Variants in GCNT2 observed in about 807,000 individuals in gnomAD.
GCNT2 encodes N-acetyllactosaminide beta-1,6-N-acetylglucosaminyl-transferase.
Under a neutral mutation model 34.2 loss-of-function variants are expected in GCNT2, and 34 were observed. The observed-to-expected ratio is 1.00, with a 90% CI of 0.76 to 1.32. GCNT2 has a LOEUF of 1.32. Among genes scored for constraint, GCNT2 ranks in the 40% most tolerant of loss-of-function variants. The pLI is 0.00. For synonymous variants in GCNT2, 212 were observed against 188.0 expected (o/e 1.13, Z -1.04); for missense variants, 584 against 489.4 (o/e 1.19, Z -1.82).
At chr6:10,609,932 C>T (rs553860785) in intron 3 of GCNT2, among the ~76,000 whole-genome samples, 2 of 152,264 alleles carry the variant, frequency 1.3e-5, no homozygotes, top group African/African-American at 4.8e-5. Context: ...GCATCTCAAG[C>T]TGGCTTGAAA....
intron 3 of GCNT2, among the ~76,000 whole-genome samples, chr6:10,542,731 G>A (rs1286135920): frequency 3.3e-5 from 5 of 152,072 alleles, no homozygotes; most frequent in South Asian, 4.1e-4. Context: ...GATACACCAC[G>A]TTTATTTTTT....
intron 3 of GCNT2, chr6:10,573,237 C>G: frequency 1.0e-6 from 1 of 984,242 alleles, no homozygotes; most frequent in Non-Finnish European, 1.2e-6. Flanking sequence ...TCCTCGGATG[C>G]GACATTCGGA....
intron 3 of GCNT2, among the ~76,000 whole-genome samples, chr6:10,541,716 C>T (rs1407581784): frequency 1.3e-5 from 2 of 152,152 alleles, no homozygotes; most frequent in Non-Finnish European, 2.9e-5. Context: ...TCAAGGGACT[C>T]TGAATTCAAT....
rs558346342 is a variant in GCNT2, at chr6:10,558,608, G to A, written c.925+28772G>A. On this transcript the variant is annotated intron_variant, in intron 3 of 4. Coordinates refer to ENST00000495262, the MANE Select transcript of GCNT2 (RefSeq NM_145649.5). ...AATGAAAAATACAAAATGGATCTCTGATGAACTAGACAGCATTATTATAGC... is the reference window on the plus strand; with the variant it reads ...AATGAAAAATACAAAATGGATCTCTAATGAACTAGACAGCATTATTATAGC... 2.6e-4 allele frequency among the ~76,000 whole-genome samples: 40 copies of A among 152,312 alleles called. 1 individual carries two copies. Among genetic ancestry groups the A allele is most frequent in the South Asian group, 1.2e-3 (6 of 4,828 alleles).
intron 3 of GCNT2, among the ~76,000 whole-genome samples, chr6:10,563,553 C>T (rs550166900): frequency 1.3e-5 from 2 of 151,666 alleles, no homozygotes; most frequent in Admixed American, 6.6e-5. Flanking sequence ...ACCACCCTGG[C>T]CAACATGGTG....
At chr6:10,603,487 A>G (rs910965660) in intron 3 of GCNT2, among the ~76,000 whole-genome samples, 1 of 152,222 alleles carries the variant, frequency 6.6e-6, no homozygotes, top group Non-Finnish European at 1.5e-5. Context: ...GTCCAGATGC[A>G]GACAGGGGAG....
At chr6:10,614,522 A>G (rs565082468) in intron 3 of GCNT2, among the ~76,000 whole-genome samples, 28 of 151,652 alleles carry the variant, frequency 1.8e-4, no homozygotes, top group Non-Finnish European at 3.4e-4. Context: ...GCTACTTGGA[A>G]GGCTGAAGCA....
chr6:10,558,318 C>CAT lies in GCNT2; in HGVS notation c.925+28483_925+28484dup, dbSNP rs1452830471. On this transcript the variant is annotated intron_variant, in intron 3 of 4. Transcript: ENST00000495262. The stretch of plus-strand genomic sequence containing the variant: ...GTGAGTGAGTGAATGAATGGTAAAG[C>CAT]ATGAAGCTTTACTATGGCACCAGAG... Among the ~76,000 whole-genome samples the CAT allele has an allele frequency of 3.3e-5, 5 of 152,228 alleles. No individual in the cohort carries two copies. In the East Asian group the frequency reaches 9.6e-4, roughly 29 times the overall value.
Position 10,615,347 on chromosome 6 carries a change from CTG to C in GCNT2, c.926-6000_926-5999del, listed in dbSNP as rs558503559. On this transcript the variant is annotated intron_variant, in intron 3 of 4. Transcript: ENST00000495262. ...ATTTCTTTTTTGAGACAGGATCTCA[CTG>C]TGTTACCCAGGCTAAAGTGCAGTGG... Among the ~76,000 whole-genome samples the C allele has an allele frequency of 1.7e-3, 261 of 152,272 alleles. 5 individuals carry two copies. The highest frequency in any genetic ancestry group is 2.1e-4 in the Non-Finnish European group (14 of 68,016).
Position 10,586,735 on chromosome 6 carries a change from T to C in GCNT2, c.926-34616T>C, listed in dbSNP as rs567822136. The C allele has an allele frequency of 7.4e-6, 12 of 1,614,114 alleles. No homozygotes were observed. The African/African-American group carries it at 1.2e-4, about 16-fold the overall frequency. ...GGCTTTTTTGTGAAAAATACTAATATTTTGAAAACTTCACCTCCACATCAG... is the reference window on the plus strand; with the variant it reads ...GGCTTTTTTGTGAAAAATACTAATACTTTGAAAACTTCACCTCCACATCAG... On this transcript the variant is annotated intron_variant, in intron 3 of 4. Transcript: ENST00000495262.
At chr6:10,547,493 A>G (rs1406776582) in intron 3 of GCNT2, among the ~76,000 whole-genome samples, 2 of 152,182 alleles carry the variant, frequency 1.3e-5, no homozygotes, top group Non-Finnish European at 2.9e-5. Flanking sequence ...ATGATTTCTC[A>G]TGATTAAATT....
chr6:10,530,062 C>A, intron 3 of GCNT2: 1 of 511,756 alleles, frequency 2.0e-6, no homozygotes, highest in South Asian at 2.3e-5. Flanking sequence ...GGAACACTGG[C>A]CATATAAATA....
Position 10,590,062 on chromosome 6 carries a change from C to T in GCNT2, c.926-31289C>T, listed in dbSNP as rs1456806207. Among the ~76,000 whole-genome samples, 5 of 152,278 alleles carry T rather than the reference C, an allele frequency of 3.3e-5. No individual in the cohort carries two copies. In the East Asian group the frequency reaches 9.6e-4, roughly 29 times the overall value. ...TTGCTGATAGAACACCTACTATTCC[C>T]TTGCTCCAGGCTTTATAATGGCTTC... On this transcript the variant is annotated intron_variant, in intron 3 of 4. Transcript: ENST00000495262.
chr6:10,531,011 G>A (rs9295574), intron 3 of GCNT2, among the ~76,000 whole-genome samples: 53,103 of 148,050 alleles, frequency 0.36, 10,998 homozygotes, highest in South Asian at 0.6. Context: ...CCAAGATCAC[G>A]TCATCGCACT....
intron 3 of GCNT2, among the ~76,000 whole-genome samples, chr6:10,589,786 T>C (rs57578610): frequency 1.4e-3 from 220 of 152,332 alleles, no homozygotes; most frequent in African/African-American, 5.2e-3. Flanking sequence ...ACATTACATA[T>C]GGACTTTAAG....
intron 3 of GCNT2, among the ~76,000 whole-genome samples, chr6:10,569,235 CCACACA>C (rs373362957): frequency 0.038 from 1,802 of 47,500 alleles, 67 homozygotes; most frequent in African/African-American, 0.089. Flanking sequence ...ACTCCCCCCG[CCACACA>C]CACACACACA....
intron 3 of GCNT2, 110 bp from the exon 4 acceptor site, chr6:10,621,241 A>T: frequency 1.3e-6 from 1 of 744,682 alleles, no homozygotes; most frequent in Non-Finnish European, 2.4e-6. Context: ...TGAAATGCGA[A>T]AGGTAATAAA....
At chr6:10,604,215 G>A (rs2127430291) in intron 3 of GCNT2, among the ~76,000 whole-genome samples, 1 of 152,102 alleles carries the variant, frequency 6.6e-6, no homozygotes, top group South Asian at 2.1e-4. Flanking sequence ...CTTAATGATT[G>A]TTACTTGTAG....
At chr6:10,538,303 G>A (rs188815444) in intron 3 of GCNT2, among the ~76,000 whole-genome samples, 325 of 150,120 alleles carry the variant, frequency 2.2e-3, no homozygotes, top group African/African-American at 7.6e-3. Context: ...AGCTACTCGG[G>A]AGGCTGAGGC....
Sources: gnomAD v4.1 joint callset for allele counts (sites outside exome capture counted in the v4.1 genomes callset) on GRCh38, gnomAD v4.1.1 for gene constraint, MANE v1.5 for transcripts, NCBI Gene and HGNC (gene_info 2026-07-23, HGNC 2026-07-21) for gene names.